SIPA1L1: variants seen among roughly 807,000 people sequenced by gnomAD.
SIPA1L1 encodes the protein signal induced proliferation associated 1 like 1.
In SIPA1L1, 26 loss-of-function variants were observed where a neutral mutation model predicts 162.7. That is an observed-to-expected ratio of 0.16 (90% CI 0.12 to 0.22). SIPA1L1 has a LOEUF of 0.22. Ranked by LOEUF, SIPA1L1 falls within the 10% of genes least tolerant of loss-of-function variation. SIPA1L1 has a pLI of 1.00. For missense variants in SIPA1L1, 1,874 were observed against 2,241.0 expected (o/e 0.84, Z 3.31); for synonymous variants, 829 against 837.4 (o/e 0.99, Z 0.17).
intron 2 of SIPA1L1, among the ~76,000 whole-genome samples, chr14:71,327,888 G>A (rs1021056892): frequency 1.3e-5 from 2 of 152,152 alleles, no homozygotes; most frequent in African/African-American, 2.4e-5. Flanking sequence ...GTGTGCATAT[G>A]TGTGCATGCT....
chr14:71,455,806 T>C (rs1199599835), intron 2 of SIPA1L1, among the ~76,000 whole-genome samples: 2 of 152,206 alleles, frequency 1.3e-5, no homozygotes, highest in Non-Finnish European at 1.5e-5. Context: ...TGAGTCATTA[T>C]GTTAAATTGT....
chr14:71,527,305 G>A (rs2052983042), intron 3 of SIPA1L1, among the ~76,000 whole-genome samples: 1 of 152,024 alleles, frequency 6.6e-6, no homozygotes, highest in Non-Finnish European at 1.5e-5. Context: ...ACACCACCAT[G>A]CCTAGCTAAT....
At chr14:71,698,475 C>T (rs2081827981) in intron 13 of SIPA1L1, among the ~76,000 whole-genome samples, 1 of 152,106 alleles carries the variant, frequency 6.6e-6, no homozygotes, top group South Asian at 2.1e-4. Flanking sequence ...TACTACCAAC[C>T]AGAATTATAA....
chr14:71,568,172 A>G (rs1420437652), intron 4 of SIPA1L1, among the ~76,000 whole-genome samples: 1 of 152,226 alleles, frequency 6.6e-6, no homozygotes, highest in South Asian at 2.1e-4. Context: ...AATGCAGCCC[A>G]TAGGTGTCAG....
At chr14:71,589,514 T>G in intron 5 of SIPA1L1, 144 bp downstream of exon 5, 1 of 573,862 alleles carries the variant, frequency 1.7e-6, no homozygotes, top group Non-Finnish European at 3.0e-6. Flanking sequence ...AAATAACCAT[T>G]TGCTCAATTT....
At chr14:71,479,109 A>T (rs1042873179) in intron 2 of SIPA1L1, among the ~76,000 whole-genome samples, 2 of 151,970 alleles carry the variant, frequency 1.3e-5, no homozygotes, top group African/African-American at 4.8e-5. Context: ...CAGGCTGGTG[A>T]TTTCTTACGA....
Position 71,672,560 on chromosome 14 carries a change from G to C in SIPA1L1, c.3042G>C (p.Leu1014=). 6.2e-7 allele frequency: 1 copy of C among 1,614,184 alleles called. No individual in the cohort carries two copies. The highest frequency in any genetic ancestry group is 1.3e-5 in the African/African-American group (1 of 75,054). ...GCCATGAGCAGATGATCGACCTCCT[G>C]AGAACATCTGTCACGGTGAAGGTTG... ...TLSHEQMIDL[L]RTSVTVKVVI... Residue 1014 remains leucine (L), a synonymous_variant, in exon 12 of 24, where the codon CTG becomes CTC. Coordinates refer to ENST00000381232, the MANE Select transcript of SIPA1L1 (RefSeq NM_001386936.1).
intron 7 of SIPA1L1, among the ~76,000 whole-genome samples, chr14:71,645,165 C>T (rs1355129718): frequency 6.6e-6 from 1 of 152,174 alleles, no homozygotes. Context: ...TTGACCCTGC[C>T]TCCATTGTCT....
intron 7 of SIPA1L1, among the ~76,000 whole-genome samples, chr14:71,643,157 CATGCAGAAA>C (rs2041876167): frequency 6.6e-6 from 1 of 152,090 alleles, no homozygotes; most frequent in South Asian, 2.1e-4. Flanking sequence ...GAATAAGAAG[CATGCAGAAA>C]ATGACACCAA....
At chr14:71,388,204 T>C (rs1240478239) in intron 2 of SIPA1L1, among the ~76,000 whole-genome samples, 1 of 152,232 alleles carries the variant, frequency 6.6e-6, no homozygotes, top group Non-Finnish European at 1.5e-5. Context: ...TTATTGTTCA[T>C]TTTAGGATAA....
chr14:71,588,289 G>T lies in SIPA1L1; in HGVS notation c.417G>T (p.Leu139=), dbSNP rs200815580. ...SAMLKSIQNT[L]KNKTRPSENM... ...TGCTGAAAAGCATACAGAACACGCTGAAAAACAAGACAAGACCGTCGGAGA... is the reference window on the plus strand; with the variant it reads ...TGCTGAAAAGCATACAGAACACGCTTAAAAACAAGACAAGACCGTCGGAGA... Residue 139 remains leucine, a synonymous_variant, in exon 5 of 24, where the codon CTG becomes CTT. Transcript: ENST00000381232. This position sits in a 1 kb window ranked among gnomAD's most constrained non-coding sequence, Gnocchi z 4.3. 6.2e-7 allele frequency: 1 copy of T among 1,613,982 alleles called. No homozygotes were observed. The highest frequency in any genetic ancestry group is 2.2e-5 in the East Asian group (1 of 44,878).
At chr14:71,571,663 A>G (rs572823520) in intron 4 of SIPA1L1, among the ~76,000 whole-genome samples, 1 of 150,534 alleles carries the variant, frequency 6.6e-6, no homozygotes, top group South Asian at 2.1e-4. Flanking sequence ...TTTATTTGAG[A>G]TGGAGTCTTG....
intron 2 of SIPA1L1, among the ~76,000 whole-genome samples, chr14:71,470,215 A>C (rs2047344402): frequency 1.3e-5 from 2 of 152,212 alleles, no homozygotes; most frequent in African/African-American, 4.8e-5. Flanking sequence ...CAGTTACCAA[A>C]TTACAGCCAC....
intron 2 of SIPA1L1, among the ~76,000 whole-genome samples, chr14:71,436,713 C>T (rs2044405215): frequency 6.6e-6 from 1 of 151,058 alleles, no homozygotes; most frequent in African/African-American, 2.4e-5. Context: ...TAATTGCCCT[C>T]ATTGTTCTTG....
chr14:71,608,367 C>G (rs1206775392), intron 5 of SIPA1L1, among the ~76,000 whole-genome samples: 2 of 152,144 alleles, frequency 1.3e-5, no homozygotes. Context: ...AGACATCTTG[C>G]TGCAATATCC....
rs112972931 is a variant in SIPA1L1 at position 71,344,101 on chromosome 14, G to C, written c.-465+22920G>C. Among the ~76,000 whole-genome samples the C allele has an allele frequency of 3.0e-3, 457 of 152,266 alleles. 4 individuals are homozygous for C. The highest frequency in any genetic ancestry group is 7.2e-3 in the South Asian group (35 of 4,828). On this transcript the variant is annotated intron_variant, in intron 2 of 23. Transcript: ENST00000381232. ...CTTAGGTACTAGCACTTTTTTTGAAGTCAGTGTTTCATTTAATGTTCATAG... is the reference window on the plus strand; with the variant it reads ...CTTAGGTACTAGCACTTTTTTTGAACTCAGTGTTTCATTTAATGTTCATAG...
chr14:71,723,910 G>GCT, intron 18 of SIPA1L1, 24 bp downstream of exon 18: 2 of 1,613,268 alleles, frequency 1.2e-6, no homozygotes, highest in Non-Finnish European at 1.7e-6. Flanking sequence ...TCCTTCCCTT[G>GCT]CTGGTGGCTT....
intron 12 of SIPA1L1, among the ~76,000 whole-genome samples, chr14:71,684,604 C>T (rs894979662): frequency 6.6e-6 from 1 of 152,144 alleles, no homozygotes; most frequent in Admixed American, 6.5e-5. Context: ...TGTGAAGCTG[C>T]GCATACACCC....
intron 2 of SIPA1L1, among the ~76,000 whole-genome samples, chr14:71,475,464 C>A (rs748542496): frequency 1.3e-5 from 2 of 152,084 alleles, no homozygotes; most frequent in Non-Finnish European, 2.9e-5. Flanking sequence ...TTAGGTAATA[C>A]CTTCAAACAG....
Sources: gnomAD v4.1 joint callset for allele counts (sites outside exome capture counted in the v4.1 genomes callset) on GRCh38, gnomAD v4.1.1 for gene constraint, Gnocchi (gnomAD v3.1) non-coding constraint, MANE v1.5 for transcripts, NCBI Gene and HGNC (gene_info 2026-07-23, HGNC 2026-07-21) for gene names.